Variants in NR3C1 observed in about 807,000 individuals in gnomAD.
NR3C1 encodes the protein nuclear receptor subfamily 3 group C member 1, also known as glucocorticoid receptor.
NR3C1 carries 14 observed loss-of-function variants against 74.0 expected under a neutral mutation model. The observed-to-expected ratio is 0.19, with a 90% CI of 0.12 to 0.30. The LOEUF (loss-of-function observed/expected upper bound fraction) is 0.30. NR3C1 is among the 10% of genes least tolerant of loss of function. The pLI, the probability that NR3C1 is intolerant of heterozygous loss-of-function variation, is 1.00. For missense variants in NR3C1, 695 were observed against 909.8 expected (o/e 0.76, Z 3.04); for synonymous variants, 308 against 332.5 (o/e 0.93, Z 0.80).
At chr5:143,387,189 C>T (rs1257642791) in intron 2 of NR3C1, among the ~76,000 whole-genome samples, 1 of 152,130 alleles carries the variant, frequency 6.6e-6, no homozygotes, top group Non-Finnish European at 1.5e-5. Context: ...AGCCTTTCTA[C>T]CTTACTCTTA....
chr5:143,301,327 T>A (rs1181128736), intron 4 of NR3C1, among the ~76,000 whole-genome samples: 2 of 152,162 alleles, frequency 1.3e-5, no homozygotes, highest in Non-Finnish European at 2.9e-5. Context: ...ATAGTATTAG[T>A]TCTACCAGTA....
intron 1 of NR3C1, among the ~76,000 whole-genome samples, chr5:143,425,122 C>T (rs11167810): frequency 0.96 from 146,206 of 152,262 alleles, 70,484 homozygotes; most frequent in Middle Eastern, 1. Flanking sequence ...TACAAGAATA[C>T]CAAGACCATT....
chr5:143,392,088 C>T (rs897623067), intron 2 of NR3C1, among the ~76,000 whole-genome samples: 4 of 152,054 alleles, frequency 2.6e-5, no homozygotes, highest in Non-Finnish European at 5.9e-5. Context: ...GCCTCAGGCT[C>T]CCGAGTAGCT....
intron 2 of NR3C1, chr5:143,333,369 G>A: frequency 4.7e-6 from 3 of 636,010 alleles, no homozygotes; most frequent in Non-Finnish European, 8.4e-6. Context: ...GAAAGAGGAG[G>A]CTGGTACAAA....
chr5:143,292,981 T>C (rs562783228), intron 7 of NR3C1, among the ~76,000 whole-genome samples: 2 of 152,312 alleles, frequency 1.3e-5, no homozygotes, highest in Admixed American at 1.3e-4. Flanking sequence ...TACCTACAGA[T>C]TTCCCTTGTG....
chr5:143,402,682 A>C (rs1043895162), intron 1 of NR3C1: 1 of 985,334 alleles, frequency 1.0e-6, no homozygotes, highest in Admixed American at 6.1e-5. Context: ...GCGGGCTGTC[A>C]GCCCCCCGCG....
rs1474609295 is a variant in NR3C1, at chr5:143,400,152, C to T, written c.688G>A (p.Gly230Arg). Residue 230 changes from glycine to arginine, a missense_variant, in exon 2 of 9, where the codon GGA becomes AGA. By Grantham distance (125) the Gly-to-Arg change is moderately radical. Around this residue, in one of 4 missense-constraint regions of NR3C1, gnomAD observed 497 missense variants for 489.5 expected, o/e 1.02. Coordinates refer to ENST00000394464, the MANE Select transcript of NR3C1 (RefSeq NM_000176.3). ...TCCAAAAGGAATGAATCGTCTTCTC[C>T]CGCCAGAGGAGAAAGCAAACAGTTT... ...DENCLLSPLA[G>R]EDDSFLLEGN... 1 of 1,614,134 alleles carries T rather than the reference C, an allele frequency of 6.2e-7. No individual in the cohort carries two copies. The highest frequency in any genetic ancestry group is 8.5e-7 in the Non-Finnish European group (1 of 1,180,026).
intron 2 of NR3C1, among the ~76,000 whole-genome samples, chr5:143,385,642 A>AT (rs1837060505): frequency 6.6e-6 from 1 of 152,222 alleles, no homozygotes; most frequent in African/African-American, 2.4e-5. Context: ...CTGTCAGTCT[A>AT]TTTGCTAAAG....
At chr5:143,358,572 A>T (rs1442278012) in intron 2 of NR3C1, among the ~76,000 whole-genome samples, 1 of 152,238 alleles carries the variant, frequency 6.6e-6, no homozygotes, top group African/African-American at 2.4e-5. Context: ...CTAAAACAAG[A>T]GTTTCCAAAC....
At chr5:143,290,061 C>T (rs1032549446) in intron 7 of NR3C1, among the ~76,000 whole-genome samples, 2 of 152,096 alleles carry the variant, frequency 1.3e-5, no homozygotes, top group Non-Finnish European at 2.9e-5. Flanking sequence ...CTAGATTTAT[C>T]TAAGTATTCT....
At chr5:143,415,007 G>A (rs570396892) in intron 1 of NR3C1, among the ~76,000 whole-genome samples, 4 of 152,166 alleles carry the variant, frequency 2.6e-5, no homozygotes, top group African/African-American at 9.6e-5. Context: ...AAGAAAAATC[G>A]TTATCTTTGT....
Position 143,300,495 on chromosome 5 carries a change from C to T in NR3C1, c.1737G>A (p.Lys579=). The change falls in exon 5 of 9, where the codon AAG becomes AAA. Residue 579 remains lysine (K), a synonymous_variant. Transcript: ENST00000394464. This position sits in a 1 kb window ranked among gnomAD's most constrained non-coding sequence, Gnocchi z 5.2. The part of the protein sequence containing the change: ...RQVIAAVKWA[K]AIPGFRNLHL... The stretch of plus-strand genomic sequence containing the variant: ...TGTTTTGCATCTTACCTGGTATTGC[C>T]TTTGCCCATTTCACTGCTGCAATCA... 1 of 1,614,162 alleles carries T rather than the reference C, an allele frequency of 6.2e-7. No homozygotes were observed. The highest frequency in any genetic ancestry group is 8.5e-7 in the Non-Finnish European group (1 of 1,180,004).
At position 143,279,552 on chromosome 5, in the gene NR3C1, C is replaced by G; in HGVS notation, c.*2337G>C. The G allele has an allele frequency of 1.6e-6, 1 of 638,708 alleles. No individual in the cohort carries two copies. Among genetic ancestry groups the G allele is most frequent in the African/African-American group, 1.9e-5 (1 of 52,538 alleles). The allele number at this position is 638,708 out of a possible 1,614,324, so 39.6% of individuals were successfully genotyped here. ...ACACCATCTTAAAATATTACATTCCCTTTTAGAGAGCATTCAAAAAGCAAA... is the reference window on the plus strand; with the variant it reads ...ACACCATCTTAAAATATTACATTCCGTTTTAGAGAGCATTCAAAAAGCAAA... On this transcript the variant is annotated 3_prime_UTR_variant, in exon 9 of 9. Coordinates refer to ENST00000394464, the MANE Select transcript of NR3C1 (RefSeq NM_000176.3).
chr5:143,379,540 A>G (rs1250674543), intron 2 of NR3C1, among the ~76,000 whole-genome samples: 1 of 152,174 alleles, frequency 6.6e-6, no homozygotes, highest in Non-Finnish European at 1.5e-5. Flanking sequence ...ATCGCAAAAA[A>G]ATAAAAATAA....
At chr5:143,286,077 T>C (rs1020670725) in intron 7 of NR3C1, among the ~76,000 whole-genome samples, 2 of 151,826 alleles carry the variant, frequency 1.3e-5, no homozygotes, top group Non-Finnish European at 2.9e-5. Flanking sequence ...GGGAATATTA[T>C]GAATAACTTA....
At chr5:143,398,553 A>G (rs1443489602) in intron 2 of NR3C1, among the ~76,000 whole-genome samples, 1 of 152,052 alleles carries the variant, frequency 6.6e-6, no homozygotes, top group African/African-American at 2.4e-5. Flanking sequence ...GGAACGATGA[A>G]TATCACTAAC....
At chr5:143,418,262 C>T (rs1751018276) in intron 1 of NR3C1, among the ~76,000 whole-genome samples, 2 of 152,088 alleles carry the variant, frequency 1.3e-5, no homozygotes, top group Admixed American at 1.3e-4. Context: ...CATCAAAAAC[C>T]CTTTAATTTC....
intron 2 of NR3C1, among the ~76,000 whole-genome samples, chr5:143,388,180 CA>C (rs1837597164): frequency 6.6e-6 from 1 of 152,134 alleles, no homozygotes; most frequent in Non-Finnish European, 1.5e-5. Context: ...AAAAGCAATC[CA>C]TTTCGAAGTC....
intron 2 of NR3C1, chr5:143,332,520 C>T (rs963062048): frequency 1.6e-6 from 1 of 622,990 alleles, no homozygotes; most frequent in Non-Finnish European, 2.7e-6. Flanking sequence ...ACCTATGTAA[C>T]CTGCACATCC....
Sources: gnomAD v4.1 joint callset for allele counts (sites outside exome capture counted in the v4.1 genomes callset) on GRCh38, gnomAD v4.1.1 for gene constraint, gnomAD v4.1.1 regional missense constraint, Gnocchi (gnomAD v3.1) non-coding constraint, MANE v1.5 for transcripts, NCBI Gene and HGNC (gene_info 2026-07-23, HGNC 2026-07-21) for gene names.